The following GRID1 variants were observed in gnomAD, a reference collection of about 807,000 sequenced individuals.
The protein encoded by GRID1 is glutamate ionotropic receptor delta type subunit 1, also known as glutamate receptor ionotropic, delta-1.
A neutral mutation model predicts 98.0 loss-of-function variants in GRID1; 28 were observed. The observed-to-expected ratio is 0.29, with a 90% CI of 0.21 to 0.39. The LOEUF is 0.39. Among genes scored for constraint, GRID1 ranks in the 10% least tolerant of loss-of-function variants. The pLI, the probability that GRID1 is intolerant of heterozygous loss-of-function variation, is 1.00. For missense variants in GRID1, 1,111 were observed against 1,340.5 expected (o/e 0.83, Z 2.67); for synonymous variants, 553 against 538.5 (o/e 1.03, Z -0.37).
intron 12 of GRID1, among the ~76,000 whole-genome samples, chr10:85,667,617 C>G (rs1285908712): frequency 6.6e-6 from 1 of 152,176 alleles, no homozygotes; most frequent in African/African-American, 2.4e-5. Context: ...CTGTCTGGCT[C>G]CTGCACATGG....
chr10:86,045,320 G>A (rs1246135100), intron 4 of GRID1, among the ~76,000 whole-genome samples: 1 of 152,162 alleles, frequency 6.6e-6, no homozygotes, highest in Non-Finnish European at 1.5e-5. Flanking sequence ...GTGGCTTTTT[G>A]GACCGAGGTC....
intron 8 of GRID1, among the ~76,000 whole-genome samples, chr10:85,760,241 C>A (rs1842134799): frequency 6.6e-6 from 1 of 152,140 alleles, no homozygotes; most frequent in African/African-American, 2.4e-5. Context: ...TTGTTTTTGA[C>A]CTATATAAAT....
chr10:85,844,176 T>A, intron 8 of GRID1, among the ~76,000 whole-genome samples: 1 of 152,068 alleles, frequency 6.6e-6, no homozygotes, highest in African/African-American at 2.4e-5. Flanking sequence ...CAATAAAAAT[T>A]ATAATACTGT....
chr10:85,699,790 A>G (rs145003786), intron 12 of GRID1, among the ~76,000 whole-genome samples: 1 of 152,154 alleles, frequency 6.6e-6, no homozygotes, highest in South Asian at 2.1e-4. Flanking sequence ...CACAAGACAA[A>G]TCTCTAATTA....
intron 4 of GRID1, among the ~76,000 whole-genome samples, chr10:86,058,820 A>C (rs1261501761): frequency 6.6e-6 from 1 of 152,226 alleles, no homozygotes; most frequent in Non-Finnish European, 1.5e-5. Context: ...ACAGCTGTGA[A>C]GGGACACCAG....
In GRID1 at chr10:85,913,714, C is replaced by T. The variant is rs987565116; in HGVS notation, c.780+2472G>A. ...TGAGGCAGGAGAATTGCTTGAGGCC[C>T]GGGAGGCAGAGGTTGCAGTGAGCTG... On this transcript the variant is annotated intron_variant, in intron 5 of 15. Transcript: ENST00000327946. Among the ~76,000 whole-genome samples the T allele has an allele frequency of 1.5e-3, 224 of 152,016 alleles. 3 individuals carry two copies. The East Asian group carries it at 0.029, about 20-fold the overall frequency.
rs188070195 is a variant in GRID1 at position 86,036,648 on chromosome 10, G to A, written c.726+102171C>T. The stretch of plus-strand genomic sequence containing the variant: ...ACAAAAGGCTTCAGTGCCACCTTGT[G>A]AGACCTTCTCACTGCAGCACGGTGA... On this transcript the variant is annotated intron_variant, in intron 4 of 15. Transcript: ENST00000327946. 2.6e-3 allele frequency among the ~76,000 whole-genome samples: 390 copies of A among 152,332 alleles called. 2 individuals are homozygous for A. The highest frequency in any genetic ancestry group is 8.6e-3 in the African/African-American group (359 of 41,572).
At chr10:85,720,654 GAAAGA>G (rs1312872592) in intron 12 of GRID1, among the ~76,000 whole-genome samples, 3 of 144,244 alleles carry the variant, frequency 2.1e-5, no homozygotes, top group East Asian at 2.0e-4. Flanking sequence ...AAGAAAGAAA[GAAAGA>G]AAAGAAAAGA....
At chr10:85,918,037 G>A (rs1240999674) in intron 4 of GRID1, among the ~76,000 whole-genome samples, 2 of 152,248 alleles carry the variant, frequency 1.3e-5, no homozygotes, top group African/African-American at 2.4e-5. Flanking sequence ...GACAGGGTGG[G>A]CTGAGAATGC....
At chr10:86,329,012 A>G (rs1477682277) in intron 2 of GRID1, among the ~76,000 whole-genome samples, 1 of 152,196 alleles carries the variant, frequency 6.6e-6, no homozygotes, top group Non-Finnish European at 1.5e-5. Context: ...TTTCAAGCCC[A>G]AAAGCCCTGT....
chr10:85,653,497 C>T (rs1840854658), intron 12 of GRID1, among the ~76,000 whole-genome samples: 1 of 152,206 alleles, frequency 6.6e-6, no homozygotes, highest in Non-Finnish European at 1.5e-5. Flanking sequence ...TTATGAGCCT[C>T]TCCTACCTTG....
intron 4 of GRID1, among the ~76,000 whole-genome samples, chr10:86,006,182 C>G (rs1174538714): frequency 6.6e-6 from 1 of 152,132 alleles, no homozygotes. Context: ...TTCTAGATGT[C>G]CAAAGTGGCA....
chr10:85,679,277 T>G (rs1038088521), intron 12 of GRID1, among the ~76,000 whole-genome samples: 4 of 152,238 alleles, frequency 2.6e-5, no homozygotes, highest in Non-Finnish European at 5.9e-5. Context: ...CTCTCTCATC[T>G]TCCTCTGCCA....
intron 2 of GRID1, chr10:86,264,934 C>T (rs1847081372): frequency 5.5e-6 from 2 of 366,582 alleles, no homozygotes; most frequent in African/African-American, 4.3e-5. Flanking sequence ...AGGAAACTCT[C>T]TGAACATAGC....
At chr10:86,225,160 G>T (rs1400001391) in intron 2 of GRID1, among the ~76,000 whole-genome samples, 1 of 152,158 alleles carries the variant, frequency 6.6e-6, no homozygotes, top group Non-Finnish European at 1.5e-5. Context: ...GGGGAGGAAG[G>T]TAGGGGCTGA....
At position 85,646,357 on chromosome 10, in the gene GRID1, C is replaced by T. The variant is rs565749603; in HGVS notation, c.2193+845G>A. On this transcript the variant is annotated intron_variant, in intron 13 of 15. Coordinates refer to ENST00000327946, the MANE Select transcript of GRID1 (RefSeq NM_017551.3). The stretch of plus-strand genomic sequence containing the variant: ...GTGGGGTTCACTGGACAGGAGGACC[C>T]CACCACCAGCAGCAAAATCATAACA... The T allele has an allele frequency of 2.0e-5, 3 of 152,560 alleles. No homozygotes were observed. The East Asian group carries it at 5.8e-4, about 30-fold the overall frequency. The allele number at this position is 152,560 out of a possible 1,614,324, so 9.5% of individuals were successfully genotyped here.
At chr10:85,854,960 G>A (rs1843095236) in intron 7 of GRID1, among the ~76,000 whole-genome samples, 1 of 152,200 alleles carries the variant, frequency 6.6e-6, no homozygotes, top group East Asian at 1.9e-4. Context: ...TCCTCCCCTT[G>A]CAATCAGTTC....
At chr10:86,175,345 A>T (rs1480265730) in intron 3 of GRID1, among the ~76,000 whole-genome samples, 4 of 151,920 alleles carry the variant, frequency 2.6e-5, no homozygotes, top group Non-Finnish European at 4.4e-5. Context: ...TAAAGCAAAA[A>T]AAAAAAAAAA....
At chr10:85,759,106 C>A (rs1297763042) in intron 8 of GRID1, among the ~76,000 whole-genome samples, 1 of 152,196 alleles carries the variant, frequency 6.6e-6, no homozygotes, top group Non-Finnish European at 1.5e-5. Flanking sequence ...CTAATCAGAG[C>A]CAACTCCAGT....
Sources: gnomAD v4.1 joint callset for allele counts (sites outside exome capture counted in the v4.1 genomes callset) on GRCh38, gnomAD v4.1.1 for gene constraint, MANE v1.5 for transcripts, NCBI Gene and HGNC (gene_info 2026-07-23, HGNC 2026-07-21) for gene names.